The following OPRM1 variants were observed in gnomAD, a reference collection of about 807,000 sequenced individuals.
OPRM1 encodes the protein mu-type opioid receptor.
In OPRM1, 27 loss-of-function variants were observed where a neutral mutation model predicts 31.8. The ratio of observed to expected loss-of-function variants is 0.85; its 90% CI spans 0.63 to 1.17. The LOEUF (loss-of-function observed/expected upper bound fraction) is 1.17, where lower values mean the gene tolerates loss of function less well. Among genes scored for constraint, OPRM1 ranks in the 50% most tolerant of loss-of-function variants. The pLI, the probability that OPRM1 is intolerant of heterozygous loss-of-function variation, is 0.00. For synonymous variants in OPRM1, 196 were observed against 189.9 expected, an observed-to-expected ratio of 1.03 and a Z score of -0.26; for missense variants, 536 against 511.1, an observed-to-expected ratio of 1.05 and a Z score of -0.47.
chr6:154,039,605 A>C lies in OPRM1; in HGVS notation c.61A>C (p.Ser21Arg), dbSNP rs757930794. The C allele has an allele frequency of 6.2e-7, 1 of 1,613,936 alleles. No homozygotes were observed. The highest frequency in any genetic ancestry group is 8.5e-7 in the Non-Finnish European group (1 of 1,179,900). Reference sequence around the variant, plus strand: ...TTGCACTGATGCCTTGGCGTACTCAAGTTGCTCCCCAGCACCCAGCCCCGG... The same window carrying C: ...TTGCACTGATGCCTTGGCGTACTCACGTTGCTCCCCAGCACCCAGCCCCGG... Reference protein sequence around the residue: ...SNCTDALAYSSCSPAPSPGSW... With the variant: ...SNCTDALAYSRCSPAPSPGSW... The change falls in exon 1 of 4, where the codon AGT (serine) becomes CGT (arginine). Residue 21 changes from serine to arginine, a missense_variant. Transcript: ENST00000330432.
intron 3 of OPRM1, among the ~76,000 whole-genome samples, chr6:154,099,373 AAG>A (rs1458850057): frequency 7.0e-6 from 1 of 142,714 alleles, no homozygotes; most frequent in African/African-American, 2.6e-5. Flanking sequence ...GAGAGAAAGA[AAG>A]AGAAAGAAAG....
At chr6:154,094,272 A>T (rs1346469724) in intron 3 of OPRM1, 2 of 1,249,782 alleles carry the variant, frequency 1.6e-6, no homozygotes, top group Non-Finnish European at 2.1e-6. Flanking sequence ...CCACTGAGGC[A>T]ATTTCCATAC....
At chr6:154,208,094 T>G (rs1431188082) in intron 3 of OPRM1, among the ~76,000 whole-genome samples, 1 of 151,120 alleles carries the variant, frequency 6.6e-6, no homozygotes, top group African/African-American at 2.4e-5. Flanking sequence ...GGGGCTCCAT[T>G]TGAAATGGAA....
At chr6:154,075,658 G>C (rs989313846) in intron 1 of OPRM1, among the ~76,000 whole-genome samples, 5 of 152,022 alleles carry the variant, frequency 3.3e-5, no homozygotes, top group African/African-American at 1.2e-4. Context: ...CACCATTTGG[G>C]CCAGGCTGGT....
intron 3 of OPRM1, chr6:154,093,198 T>C: frequency 7.6e-7 from 1 of 1,308,858 alleles, no homozygotes; most frequent in African/African-American, 1.5e-5. Context: ...TAAAATATTT[T>C]GCTTTGAAGT....
At chr6:154,221,576 T>G (rs973058029) in intron 3 of OPRM1, among the ~76,000 whole-genome samples, 4 of 152,192 alleles carry the variant, frequency 2.6e-5, no homozygotes, top group African/African-American at 9.6e-5. Flanking sequence ...AGTTTCCATT[T>G]AAAACATATA....
rs148366781 is a variant in OPRM1 at position 154,130,220 on chromosome 6, G to A, written c.*11499G>A. The stretch of plus-strand genomic sequence containing the variant: ...GTCTCACTCTGTCGCCCAGGCTGGA[G>A]TGCAGTGGCTCAATCTTGGCTCACT... On this transcript the variant is annotated 3_prime_UTR_variant, in exon 4 of 4. Coordinates refer to ENST00000330432, the MANE Select transcript of OPRM1 (RefSeq NM_000914.5). 7.4e-3 allele frequency among the ~76,000 whole-genome samples: 1,102 copies of A among 148,278 alleles called. 4 individuals carry two copies. The highest frequency in any genetic ancestry group is 0.013 in the Non-Finnish European group (872 of 67,340).
rs1797221060 is a variant in OPRM1, at chr6:154,120,086, C to A, written c.*1365C>A. Reference sequence around the variant, plus strand: ...ATGCCTAGAAGCTCTCCATTTTGAACTTTTGTCAGCATTGATTAAAAGAAT... The same window carrying A: ...ATGCCTAGAAGCTCTCCATTTTGAAATTTTGTCAGCATTGATTAAAAGAAT... On this transcript the variant is annotated 3_prime_UTR_variant, in exon 4 of 4. Coordinates refer to ENST00000330432, the MANE Select transcript of OPRM1 (RefSeq NM_000914.5). Among the ~76,000 whole-genome samples the A allele has an allele frequency of 6.6e-6, 1 of 152,154 alleles. No individual in the cohort carries two copies. Among genetic ancestry groups the A allele is most frequent in the South Asian group, 2.1e-4 (1 of 4,826 alleles).
At position 154,229,617 on chromosome 6, in the gene OPRM1, A is replaced by G. The variant is rs556913458; in HGVS notation, c.1165-17076A>G. Among the ~76,000 whole-genome samples, 128 of 151,972 alleles carry G rather than the reference A, an allele frequency of 8.4e-4. 1 individual carries two copies. In the South Asian group the frequency reaches 0.024, roughly 29 times the overall value. On this transcript the variant is annotated intron_variant, in intron 3 of 3. Coordinates refer to the OPRM1 transcript ENST00000337049. ...ATGATCTGCCTGCCTTGGCCTCCCAATGTGCTGGGATTACAGGCGTGAGCC... is the reference window on the plus strand; with the variant it reads ...ATGATCTGCCTGCCTTGGCCTCCCAGTGTGCTGGGATTACAGGCGTGAGCC...
intron 3 of OPRM1, among the ~76,000 whole-genome samples, chr6:154,144,622 C>T (rs1251374022): frequency 2.0e-5 from 3 of 151,830 alleles, no homozygotes; most frequent in Non-Finnish European, 4.4e-5. Context: ...GTGGTGGGTG[C>T]CTGTAATCCC....
At chr6:154,045,173 C>T (rs565149628) in intron 1 of OPRM1, among the ~76,000 whole-genome samples, 4 of 151,878 alleles carry the variant, frequency 2.6e-5, no homozygotes, top group Non-Finnish European at 5.9e-5. Context: ...TGCAGCGAGC[C>T]GAGATCGCAC....
rs1192310377 is a variant in OPRM1, at chr6:154,131,764, T to G, written c.*13043T>G. The stretch of plus-strand genomic sequence containing the variant: ...AGCACAACATGCTTTCTGTGTGTGT[T>G]TTTAAGCTCTTTCCCCACATCTGCT... On this transcript the variant is annotated 3_prime_UTR_variant, in exon 4 of 4. Transcript: ENST00000330432. 6.6e-6 allele frequency among the ~76,000 whole-genome samples: 1 copy of G among 152,086 alleles called. No homozygotes were observed. The highest frequency in any genetic ancestry group is 1.5e-5 in the Non-Finnish European group (1 of 68,000).
intron 1 of OPRM1, among the ~76,000 whole-genome samples, chr6:154,045,445 G>GA (rs1780930442): frequency 6.6e-6 from 1 of 152,062 alleles, no homozygotes; most frequent in African/African-American, 2.4e-5. Flanking sequence ...ACAGATCACA[G>GA]AACAACTGTC....
At chr6:154,077,265 G>A (rs934986879) in intron 1 of OPRM1, among the ~76,000 whole-genome samples, 2 of 151,830 alleles carry the variant, frequency 1.3e-5, no homozygotes, top group African/African-American at 4.8e-5. Context: ...CAAATCATAA[G>A]GGGGTGGTTT....
chr6:154,164,712 A>G (rs1405107437), intron 3 of OPRM1, among the ~76,000 whole-genome samples: 3 of 152,186 alleles, frequency 2.0e-5, no homozygotes, highest in Non-Finnish European at 4.4e-5. Context: ...TACGGGAAGA[A>G]AGGGTTCACC....
chr6:154,038,407 G>T (rs1227594974), upstream of OPRM1, among the ~76,000 whole-genome samples: 2 of 152,092 alleles, frequency 1.3e-5, no homozygotes, highest in Non-Finnish European at 2.9e-5. Context: ...TAGAAGTAAG[G>T]TATAAAATTC....
In OPRM1 at chr6:154,088,643, C is replaced by T. The variant is rs17181164; in HGVS notation, c.291-1183C>T. 8.1e-3 allele frequency among the ~76,000 whole-genome samples: 1,237 copies of T among 152,152 alleles called. 16 individuals are homozygous for T. The highest frequency in any genetic ancestry group is 0.028 in the African/African-American group (1,141 of 41,488). On this transcript the variant is annotated intron_variant, in intron 1 of 3. Coordinates refer to ENST00000330432, the MANE Select transcript of OPRM1 (RefSeq NM_000914.5). The stretch of plus-strand genomic sequence containing the variant: ...GGTGGTGGTTTCACAGGTGTACACA[C>T]GTATCAAAGCTTATCAAATTGTATA...
chr6:154,198,469 C>T (rs1371420824), intron 3 of OPRM1, among the ~76,000 whole-genome samples: 1 of 152,002 alleles, frequency 6.6e-6, no homozygotes, highest in Non-Finnish European at 1.5e-5. Context: ...GATAGTTGGC[C>T]TAAATAAAGG....
rs545752425 is a variant in OPRM1, at chr6:154,194,672, T to C, written c.1165-52021T>C. ...TCCTAACTCCTAGCTTCAGGAAAAATTGTAGGAAGTAGGATGAAAAACAAA... is the reference window on the plus strand; with the variant it reads ...TCCTAACTCCTAGCTTCAGGAAAAACTGTAGGAAGTAGGATGAAAAACAAA... On this transcript the variant is annotated intron_variant, in intron 3 of 3. Transcript: ENST00000337049. Among the ~76,000 whole-genome samples the C allele has an allele frequency of 1.6e-4, 24 of 152,124 alleles. 1 individual carries two copies. Among genetic ancestry groups the C allele is most frequent in the Non-Finnish European group, 2.4e-4 (16 of 67,972 alleles).
Sources: gnomAD v4.1 joint callset for allele counts (sites outside exome capture counted in the v4.1 genomes callset) on GRCh38, gnomAD v4.1.1 for gene constraint, MANE v1.5 for transcripts, NCBI Gene and HGNC (gene_info 2026-07-23, HGNC 2026-07-21) for gene names.